RUNX1: variants seen among roughly 807,000 people sequenced by gnomAD.
The protein encoded by RUNX1 is runt-related transcription factor 1.
A neutral mutation model predicts 42.8 loss-of-function variants in RUNX1; 19 were observed. The observed-to-expected ratio is 0.44, with a 90% CI of 0.31 to 0.65. The LOEUF is 0.65. RUNX1 is among the 30% of genes least tolerant of loss of function. The pLI, the probability that RUNX1 is intolerant of heterozygous loss-of-function variation, is 0.07. For synonymous variants in RUNX1, 271 were observed against 289.4 expected (o/e 0.94, Z 0.64); for missense variants, 528 against 672.0 (o/e 0.79, Z 2.37).
intron 3 of RUNX1, among the ~76,000 whole-genome samples, chr21:34,892,393 C>A (rs2058090257): frequency 6.6e-6 from 1 of 152,176 alleles, no homozygotes; most frequent in Admixed American, 6.5e-5. Flanking sequence ...GCCCTTAGTT[C>A]TTCCATTACA....
At chr21:34,821,509 G>GA in intron 7 of RUNX1, 2 of 1,493,650 alleles carry the variant, frequency 1.3e-6, no homozygotes, top group Non-Finnish European at 9.0e-7. Context: ...CAGAGGGGGA[G>GA]AAGGGACACG....
At position 34,988,647 on chromosome 21, in the gene RUNX1, T is replaced by C. The variant is rs118179783; in HGVS notation, c.58+60195A>G. 1.8e-3 allele frequency among the ~76,000 whole-genome samples: 270 copies of C among 152,342 alleles called. 4 individuals are homozygous for C. In the East Asian group the frequency reaches 0.03, roughly 17 times the overall value. Reference sequence around the variant, plus strand: ...CCTGAGAACAGTAGCTTGTTATTTCTACTGCTGCTTCCAGCTTTGATTGGC... The same window carrying C: ...CCTGAGAACAGTAGCTTGTTATTTCCACTGCTGCTTCCAGCTTTGATTGGC... On this transcript the variant is annotated intron_variant, in intron 2 of 8. Transcript: ENST00000675419.
chr21:34,909,573 C>T (rs2058254393), intron 2 of RUNX1, among the ~76,000 whole-genome samples: 1 of 126,462 alleles, frequency 7.9e-6, no homozygotes, highest in Non-Finnish European at 1.6e-5. Context: ...TTATACAGAC[C>T]AGGTCACTGT....
intron 2 of RUNX1, among the ~76,000 whole-genome samples, chr21:35,025,558 T>C (rs2059229324): frequency 6.6e-6 from 1 of 152,252 alleles, no homozygotes; most frequent in South Asian, 2.1e-4. Context: ...TTCTTTGGCC[T>C]GAGTTTTCCT....
chr21:35,040,770 C>CAAAAAAAAAAAA lies in RUNX1; in HGVS notation c.58+8071_58+8072insTTTTTTTTTTTT, dbSNP rs1568808489. The stretch of plus-strand genomic sequence containing the variant: ...TGGTGACAGAGCTAGTAGACTCCAT[C>CAAAAAAAAAAAA]CAAAAAAAAAAAAAAAAAAAAAAAC... On this transcript the variant is annotated intron_variant, in intron 2 of 8. Transcript: ENST00000675419. Among the ~76,000 whole-genome samples, 3 of 50,986 alleles carry CAAAAAAAAAAAA rather than the reference C, an allele frequency of 5.9e-5. 1 individual carries two copies. 33.4% of individuals were successfully genotyped at this position (50,986 alleles called of 152,430 possible).
chr21:34,799,592 A>G, intron 7 of RUNX1, 130 bp from the exon 8 acceptor site: 1 of 753,190 alleles, frequency 1.3e-6, no homozygotes, highest in Non-Finnish European at 2.2e-6. Context: ...ACCAGGGTTT[A>G]ATAAGCCTAC....
At chr21:34,916,081 T>C (rs532398065) in intron 2 of RUNX1, among the ~76,000 whole-genome samples, 1 of 152,310 alleles carries the variant, frequency 6.6e-6, no homozygotes, top group African/African-American at 2.4e-5. Context: ...TTTACCATGA[T>C]TCTAGTGATG....
chr21:34,897,875 AT>A (rs201710387), intron 2 of RUNX1, among the ~76,000 whole-genome samples: 123 of 151,504 alleles, frequency 8.1e-4, no homozygotes, highest in Non-Finnish European at 1.4e-3. Context: ...AAAAAAAGAG[AT>A]TTTTTTTTGC....
Position 35,015,937 on chromosome 21 carries a change from T to C in RUNX1, c.58+32905A>G, listed in dbSNP as rs531295211. Among the ~76,000 whole-genome samples the C allele has an allele frequency of 4.6e-5, 7 of 152,308 alleles. No homozygotes were observed. The South Asian group carries it at 1.2e-3, about 27-fold the overall frequency. On this transcript the variant is annotated intron_variant, in intron 2 of 8. Coordinates refer to ENST00000675419, the MANE Select transcript of RUNX1 (RefSeq NM_001754.5). ...TCCTGCACCACACTCTGCAGCCCAG[T>C]AGCAATTACAGAAATTATCAAATGT...
chr21:34,978,530 A>G (rs551264556), intron 2 of RUNX1, among the ~76,000 whole-genome samples: 6 of 152,342 alleles, frequency 3.9e-5, no homozygotes, highest in African/African-American at 1.4e-4. Context: ...ATCTATTTTT[A>G]CCAGTATAAC....
At chr21:35,047,632 T>A (rs537909408) in intron 2 of RUNX1, among the ~76,000 whole-genome samples, 1 of 140,990 alleles carries the variant, frequency 7.1e-6, no homozygotes, top group African/African-American at 2.6e-5. Flanking sequence ...CCCGGAAACA[T>A]ACAGCCCCGT....
chr21:35,033,079 C>T (rs2059284149), intron 2 of RUNX1, among the ~76,000 whole-genome samples: 1 of 152,178 alleles, frequency 6.6e-6, no homozygotes, highest in African/African-American at 2.4e-5. Flanking sequence ...TTCCATTCAT[C>T]CTTCTATCTA....
intron 2 of RUNX1, among the ~76,000 whole-genome samples, chr21:35,048,626 C>T (rs1470028292): frequency 6.6e-6 from 1 of 152,238 alleles, no homozygotes; most frequent in Non-Finnish European, 1.5e-5. Flanking sequence ...AACAGCATAA[C>T]TAAGTATTTA....
chr21:34,925,618 G>A (rs1372329185), intron 2 of RUNX1, among the ~76,000 whole-genome samples: 1 of 152,162 alleles, frequency 6.6e-6, no homozygotes, highest in Non-Finnish European at 1.5e-5. Flanking sequence ...AGGAAGCCCG[G>A]CTCTTCCTGA....
intron 6 of RUNX1, chr21:34,856,296 T>A (rs1197236764): frequency 2.0e-6 from 1 of 512,268 alleles, no homozygotes; most frequent in East Asian, 5.5e-5. Context: ...CTTGCACGCA[T>A]ACCTCAAGTC....
chr21:34,925,641 G>A (rs2058387396), intron 2 of RUNX1, among the ~76,000 whole-genome samples: 1 of 152,148 alleles, frequency 6.6e-6, no homozygotes, highest in South Asian at 2.1e-4. Context: ...TTAGACTTCT[G>A]GCTTCTAAAG....
chr21:34,910,143 T>C (rs2058260416), intron 2 of RUNX1, among the ~76,000 whole-genome samples: 1 of 152,210 alleles, frequency 6.6e-6, no homozygotes, highest in African/African-American at 2.4e-5. Context: ...TATTCCTAGT[T>C]CAGTGCTGTC....
chr21:34,833,689 A>C lies in RUNX1; in HGVS notation c.805+721T>G, dbSNP rs1259292584. 1.9e-5 allele frequency: 3 copies of C among 161,262 alleles called. No individual in the cohort carries two copies. The East Asian group carries it at 5.1e-4, about 27-fold the overall frequency. 10.0% of individuals were successfully genotyped at this position (161,262 alleles called of 1,614,324 possible). ...CTGCATCCTGCATGGCACAGAGAAAAGTCTGCATTTTGGATTTTTGAAACG... is the reference window on the plus strand; with the variant it reads ...CTGCATCCTGCATGGCACAGAGAAACGTCTGCATTTTGGATTTTTGAAACG... On this transcript the variant is annotated intron_variant, in intron 7 of 8. Transcript: ENST00000675419.
Position 34,790,675 on chromosome 21 carries a change from T to C in RUNX1, c.*1460A>G. 1 of 233,252 alleles carries C rather than the reference T, an allele frequency of 4.3e-6. No homozygotes were observed. Among genetic ancestry groups the C allele is most frequent in the Non-Finnish European group, 8.5e-6 (1 of 118,056 alleles). 14.4% of individuals were successfully genotyped at this position (233,252 alleles called of 1,614,324 possible). On this transcript the variant is annotated 3_prime_UTR_variant, in exon 9 of 9. Transcript: ENST00000675419. ...CAGCCTGGTGAAAGCAACACAAAGATGTTGTTGAGTGAGCAGCACAGGACA... is the reference window on the plus strand; with the variant it reads ...CAGCCTGGTGAAAGCAACACAAAGACGTTGTTGAGTGAGCAGCACAGGACA...
Sources: gnomAD v4.1 joint callset for allele counts (sites outside exome capture counted in the v4.1 genomes callset) on GRCh38, gnomAD v4.1.1 for gene constraint, MANE v1.5 for transcripts, NCBI Gene and HGNC (gene_info 2026-07-23, HGNC 2026-07-21) for gene names.